The following APP variants were observed in gnomAD, a reference collection of about 807,000 sequenced individuals.
APP encodes amyloid beta precursor protein.
APP carries 31 observed loss-of-function variants against 101.4 expected under a neutral mutation model. The ratio of observed to expected loss-of-function variants is 0.31; its 90% confidence interval spans 0.23 to 0.41. The LOEUF (loss-of-function observed/expected upper bound fraction) is 0.41, where lower values mean the gene tolerates loss of function less well. Ranked by LOEUF, APP falls within the 10% of genes least tolerant of loss-of-function variation. The pLI is 1.00. For missense variants in APP, 839 were observed against 1,003.7 expected (o/e 0.84, Z 2.22); for synonymous variants, 366 against 364.4 (o/e 1.00, Z -0.05).
intron 13 of APP, among the ~76,000 whole-genome samples, chr21:25,952,693 T>A (rs538358313): frequency 3.3e-4 from 51 of 152,280 alleles, no homozygotes; most frequent in Admixed American, 7.2e-4. Flanking sequence ...TTATTACCTA[T>A]GCCACTTCAA....
intron 17 of APP, among the ~76,000 whole-genome samples, chr21:25,890,369 G>A (rs2037609827): frequency 6.6e-6 from 1 of 152,170 alleles, no homozygotes; most frequent in Non-Finnish European, 1.5e-5. Context: ...TTCTAATCAA[G>A]AATGGTTTAG....
intron 5 of APP, among the ~76,000 whole-genome samples, chr21:26,024,194 G>C (rs1189324066): frequency 6.6e-6 from 1 of 152,102 alleles, no homozygotes; most frequent in East Asian, 1.9e-4. Context: ...ACAGGAGAAA[G>C]ACCTAGATGT....
chr21:26,021,046 CTTTTTTTT>C (rs144287372), intron 6 of APP, among the ~76,000 whole-genome samples: 5 of 101,746 alleles, frequency 4.9e-5, no homozygotes, highest in South Asian at 3.3e-4. Context: ...CTCACCAAAT[CTTTTTTTT>C]TTTTTTTTTT....
At chr21:26,080,427 T>A (rs2061574521) in intron 3 of APP, among the ~76,000 whole-genome samples, 1 of 152,168 alleles carries the variant, frequency 6.6e-6, no homozygotes, top group Non-Finnish European at 1.5e-5. Flanking sequence ...TTTGTTTCTT[T>A]CTGCTCATTT....
intron 1 of APP, among the ~76,000 whole-genome samples, chr21:26,160,850 CT>C (rs1176692418): frequency 6.6e-6 from 1 of 152,056 alleles, no homozygotes; most frequent in Non-Finnish European, 1.5e-5. Flanking sequence ...GGCATTTTTT[CT>C]TTTTGCAGGC....
chr21:26,029,033 AG>A (rs1409942621), intron 5 of APP, among the ~76,000 whole-genome samples: 5 of 152,246 alleles, frequency 3.3e-5, no homozygotes, highest in African/African-American at 1.2e-4. Flanking sequence ...TGGCTGAGGC[AG>A]GGGTAAGAGC....
chr21:25,984,919 T>A (rs1221220754), intron 8 of APP, among the ~76,000 whole-genome samples: 3 of 152,194 alleles, frequency 2.0e-5, no homozygotes, highest in African/African-American at 7.2e-5. Context: ...GTAACTGTTA[T>A]AACCATAACA....
intron 1 of APP, among the ~76,000 whole-genome samples, chr21:26,147,943 G>GAAA (rs2063186757): frequency 6.6e-6 from 1 of 151,938 alleles, no homozygotes; most frequent in African/African-American, 2.4e-5. Flanking sequence ...AGAGCCACCT[G>GAAA]AAACCACCAA....
At chr21:25,908,661 T>TA (rs796932832) in intron 14 of APP, among the ~76,000 whole-genome samples, 3 of 147,732 alleles carry the variant, frequency 2.0e-5, no homozygotes, top group African/African-American at 7.5e-5. Flanking sequence ...GACAGGCTGA[T>TA]AAAGTCTCTC....
intron 13 of APP, among the ~76,000 whole-genome samples, chr21:25,924,999 T>C (rs1403597704): frequency 6.6e-6 from 1 of 152,172 alleles, no homozygotes; most frequent in Non-Finnish European, 1.5e-5. Context: ...ATATGACCAA[T>C]TCTTATCTTT....
chr21:25,922,993 C>T (rs1601413180), intron 13 of APP, among the ~76,000 whole-genome samples: 1 of 147,636 alleles, frequency 6.8e-6, no homozygotes, highest in Non-Finnish European at 1.5e-5. Flanking sequence ...TACAAGGCTA[C>T]AGTAACCGAA....
intron 1 of APP, among the ~76,000 whole-genome samples, chr21:26,155,931 G>C (rs1402988272): frequency 1.3e-5 from 2 of 150,800 alleles, no homozygotes; most frequent in African/African-American, 2.5e-5. Flanking sequence ...CAGGAGGGAG[G>C]CAGAGCTTGC....
intron 6 of APP, among the ~76,000 whole-genome samples, chr21:26,007,267 G>A (rs73163761): frequency 0.19 from 28,551 of 150,286 alleles, 2,875 homozygotes; most frequent in South Asian, 0.26. Flanking sequence ...CTTCCTTAAT[G>A]TAACAGTGGA....
chr21:26,093,837 C>T (rs1396521677), intron 2 of APP, among the ~76,000 whole-genome samples: 1 of 152,068 alleles, frequency 6.6e-6, no homozygotes, highest in East Asian at 1.9e-4. Flanking sequence ...TGAACCAGGC[C>T]GGAGACAGTG....
chr21:25,897,751 C>G lies in APP; in HGVS notation c.1964-78G>C, dbSNP rs112182125. On this transcript the variant is annotated intron_variant, in intron 15 of 17. Transcript: ENST00000346798. Reference sequence around the variant, plus strand: ...AAATAATAACACTGTAAGACAAAGCCTACCCAAAACTTCTTTCTAGGCCTG... The same window carrying G: ...AAATAATAACACTGTAAGACAAAGCGTACCCAAAACTTCTTTCTAGGCCTG... The G allele has an allele frequency of 2.5e-5, 30 of 1,213,480 alleles. No homozygotes were observed. In the African/African-American group the frequency reaches 3.0e-4, roughly 12 times the overall value. 75.2% of individuals were successfully genotyped at this position (1,213,480 alleles called of 1,614,324 possible).
intron 13 of APP, among the ~76,000 whole-genome samples, chr21:25,918,521 C>T (rs548367365): frequency 4.6e-5 from 7 of 151,818 alleles, no homozygotes; most frequent in South Asian, 2.1e-4. Flanking sequence ...CCAGTGGGTG[C>T]GTGCACCGTG....
intron 3 of APP, among the ~76,000 whole-genome samples, chr21:26,062,086 T>TA (rs1188985033): frequency 6.6e-6 from 1 of 151,932 alleles, no homozygotes; most frequent in Non-Finnish European, 1.5e-5. Flanking sequence ...GGCGCGCACC[T>TA]ATAGTCCCAG....
chr21:26,167,229 T>C (rs531546920), intron 1 of APP, among the ~76,000 whole-genome samples: 20 of 152,290 alleles, frequency 1.3e-4, no homozygotes, highest in African/African-American at 4.6e-4. Context: ...GCATGTTTTA[T>C]TTACCCTGCA....
chr21:26,090,586 G>T (rs1272703714), intron 2 of APP, among the ~76,000 whole-genome samples: 1 of 152,122 alleles, frequency 6.6e-6, no homozygotes, highest in African/African-American at 2.4e-5. Flanking sequence ...AGCTAAAATA[G>T]AAACAAGAGG....
Sources: gnomAD v4.1 joint callset for allele counts (sites outside exome capture counted in the v4.1 genomes callset) on GRCh38, gnomAD v4.1.1 for gene constraint, MANE v1.5 for transcripts, NCBI Gene and HGNC (gene_info 2026-07-23, HGNC 2026-07-21) for gene names.